The following CADM1 variants were observed in gnomAD, a reference collection of about 807,000 sequenced individuals.
The protein encoded by CADM1 is TSLC-1.
Under a neutral mutation model 53.1 loss-of-function variants are expected in CADM1, and 15 were observed. The observed-to-expected ratio is 0.28, with a 90% CI of 0.19 to 0.44. CADM1 has a LOEUF of 0.44. CADM1 is among the 20% of genes least tolerant of loss of function. The pLI, the probability that CADM1 is intolerant of heterozygous loss-of-function variation, is 1.00. For missense variants in CADM1, 434 were observed against 611.3 expected (o/e 0.71, Z 3.06); for synonymous variants, 281 against 243.0 (o/e 1.16, Z -1.45).
At position 115,402,697 on chromosome 11, in the gene CADM1, A is replaced by G. The variant is rs1947191990; in HGVS notation, c.124+101574T>C. Among the ~76,000 whole-genome samples, 4 of 151,712 alleles carry G rather than the reference A, an allele frequency of 2.6e-5. No individual in the cohort carries two copies. The South Asian group carries it at 8.3e-4, about 32-fold the overall frequency. Reference sequence around the variant, plus strand: ...CTCAACTTTATTCATAATAAGAGACATAACATTTTTTTTTTCACTGATCAG... The same window carrying G: ...CTCAACTTTATTCATAATAAGAGACGTAACATTTTTTTTTTCACTGATCAG... On this transcript the variant is annotated intron_variant, in intron 1 of 11. Transcript: ENST00000331581.
intron 1 of CADM1, among the ~76,000 whole-genome samples, chr11:115,274,469 C>T (rs954170095): frequency 1.3e-5 from 2 of 152,174 alleles, no homozygotes; most frequent in East Asian, 3.9e-4. Context: ...TTCCCTTGTC[C>T]GCATTTCAGT....
In CADM1 at chr11:115,206,778, T is replaced by TTTTTTTTTTTTG; in HGVS notation, c.1078+2795_1078+2796insCAAAAAAAAAAA. On this transcript the variant is annotated intron_variant, in intron 8 of 11. Transcript: ENST00000331581. ...GACTTCTTTTTTTTTTTTTTTTTTT[T>TTTTTTTTTTTTG]TTTTTTTTTTTAAGCTCAGGCTTTA... Among the ~76,000 whole-genome samples, 2 of 131,906 alleles carry TTTTTTTTTTTTG rather than the reference T, an allele frequency of 1.5e-5. 1 individual carries two copies. The highest frequency in any genetic ancestry group is 5.9e-5 in the African/African-American group (2 of 33,646). 86.5% of individuals were successfully genotyped at this position (131,906 alleles called of 152,430 possible). A position where few individuals can be genotyped will look rare whatever the true frequency, so the allele number is the denominator to read the frequency against.
intron 1 of CADM1, among the ~76,000 whole-genome samples, chr11:115,463,806 A>G (rs1305806630): frequency 1.5e-5 from 2 of 137,388 alleles, no homozygotes; most frequent in African/African-American, 5.5e-5. Flanking sequence ...TGTCACATCC[A>G]TTTTGTTATC....
chr11:115,311,629 C>T (rs933000343), intron 1 of CADM1, among the ~76,000 whole-genome samples: 1 of 152,110 alleles, frequency 6.6e-6, no homozygotes, highest in Non-Finnish European at 1.5e-5. Context: ...TTCAGGCCTC[C>T]CAACAGTCCC....
At chr11:115,468,595 T>G (rs1208068566) in intron 1 of CADM1, among the ~76,000 whole-genome samples, 3 of 152,168 alleles carry the variant, frequency 2.0e-5, no homozygotes, top group African/African-American at 7.2e-5. Flanking sequence ...CAAAAGGGTC[T>G]ATGGATAATG....
intron 1 of CADM1, among the ~76,000 whole-genome samples, chr11:115,342,702 A>G (rs767339578): frequency 6.6e-6 from 1 of 152,114 alleles, no homozygotes; most frequent in African/African-American, 2.4e-5. Flanking sequence ...ATGTGTTTCC[A>G]TAGTACTTTG....
intron 1 of CADM1, among the ~76,000 whole-genome samples, chr11:115,285,416 A>G (rs1400077771): frequency 1.3e-5 from 2 of 152,212 alleles, no homozygotes; most frequent in Non-Finnish European, 2.9e-5. Flanking sequence ...ATGAAGTAGT[A>G]GTCTTATCCC....
chr11:115,308,194 G>GTATATATATATATATA (rs560354243), intron 1 of CADM1, among the ~76,000 whole-genome samples: 17 of 123,968 alleles, frequency 1.4e-4, no homozygotes, highest in African/African-American at 5.1e-4. Flanking sequence ...TCATAGGTGT[G>GTATATATATATATATA]TATATATATA....
At chr11:115,289,696 C>T (rs1201161729) in intron 1 of CADM1, among the ~76,000 whole-genome samples, 2 of 150,164 alleles carry the variant, frequency 1.3e-5, no homozygotes, top group African/African-American at 2.4e-5. Context: ...CCAGGGTTCA[C>T]GCCATTCTCC....
At position 115,341,721 on chromosome 11, in the gene CADM1, CATGTATTT is replaced by C. The variant is rs1945452971; in HGVS notation, c.125-101309_125-101302del. 2.0e-5 allele frequency among the ~76,000 whole-genome samples: 3 copies of C among 152,122 alleles called. No homozygotes were observed. The South Asian group carries it at 6.2e-4, about 32-fold the overall frequency. On this transcript the variant is annotated intron_variant, in intron 1 of 11. Transcript: ENST00000331581. ...TGGTTCGTGGTGGATTTGGGAAGAC[CATGTATTT>C]ACCGGTGTGTGACAGAGAATAATAT... is the stretch of plus-strand genomic sequence containing the variant.
intron 6 of CADM1, among the ~76,000 whole-genome samples, chr11:115,215,970 T>C (rs1218094560): frequency 2.0e-5 from 3 of 152,186 alleles, no homozygotes; most frequent in Non-Finnish European, 4.4e-5. Flanking sequence ...TTTCTTTAAT[T>C]ACACATGGGT....
chr11:115,338,868 AT>A (rs67757705), intron 1 of CADM1, among the ~76,000 whole-genome samples: 71 of 114,546 alleles, frequency 6.2e-4, no homozygotes, highest in African/African-American at 2.1e-3. Context: ...ACCTTCTTTT[AT>A]TTTTTTTATT....
At chr11:115,325,995 T>C (rs879665973) in intron 1 of CADM1, among the ~76,000 whole-genome samples, 18 of 152,110 alleles carry the variant, frequency 1.2e-4, no homozygotes, top group Non-Finnish European at 8.8e-5. Context: ...GTTTCAAGGG[T>C]TACATTTAAA....
At chr11:115,497,011 C>T (rs1361890937) in intron 1 of CADM1, among the ~76,000 whole-genome samples, 1 of 152,166 alleles carries the variant, frequency 6.6e-6, no homozygotes, top group Non-Finnish European at 1.5e-5. Context: ...CCTTTGTTTT[C>T]AGGCAGATTC....
chr11:115,455,728 C>G (rs1045993855), intron 1 of CADM1, among the ~76,000 whole-genome samples: 3 of 152,178 alleles, frequency 2.0e-5, no homozygotes, highest in Admixed American at 1.3e-4. Context: ...AGCTCCTCCC[C>G]CTAAGAGGAA....
In CADM1 at chr11:115,172,722, C is replaced by T. The variant is rs1938833162; in HGVS notation, c.*3752G>A. On this transcript the variant is annotated 3_prime_UTR_variant, in exon 12 of 12. Transcript: ENST00000331581. The stretch of plus-strand genomic sequence containing the variant: ...CAGCAGGTGCTCAATAACTGCATAT[C>T]TGATTTTTTTTTTTTTTTTTTTTTT... The T allele has an allele frequency of 8.6e-6, 1 of 116,358 alleles. No individual in the cohort carries two copies. Among genetic ancestry groups the T allele is most frequent in the Non-Finnish European group, 1.7e-5 (1 of 59,920 alleles). The allele number at this position is 116,358 out of a possible 1,614,324, so 7.2% of individuals were successfully genotyped here.
At chr11:115,314,213 T>C (rs1944601292) in intron 1 of CADM1, among the ~76,000 whole-genome samples, 1 of 152,080 alleles carries the variant, frequency 6.6e-6, no homozygotes. Context: ...CTCAGGATTC[T>C]TCACTCAAAG....
intron 10 of CADM1, among the ~76,000 whole-genome samples, chr11:115,183,890 G>A (rs2134608818): frequency 6.6e-6 from 1 of 152,304 alleles, no homozygotes; most frequent in African/African-American, 2.4e-5. Context: ...TCAGCGTTCT[G>A]TGCTTCCCCC....
chr11:115,353,985 T>C (rs1421097036), intron 1 of CADM1, among the ~76,000 whole-genome samples: 1 of 152,174 alleles, frequency 6.6e-6, no homozygotes, highest in Non-Finnish European at 1.5e-5. Context: ...CTGTTTTTGT[T>C]TGTTTAAAAT....
Sources: allele counts gnomAD v4.1 joint callset (sites outside exome capture counted in the v4.1 genomes callset), GRCh38; gene constraint gnomAD v4.1.1; transcripts MANE v1.5; gene names NCBI Gene and HGNC (gene_info 2026-07-23, HGNC 2026-07-21).